The following FAM53B variants were observed in gnomAD, a reference collection of about 807,000 sequenced individuals.
The protein encoded by FAM53B is family with sequence similarity 53 member B.
Under a neutral mutation model 32.7 loss-of-function variants are expected in FAM53B, and 12 were observed. The observed-to-expected ratio is 0.37, with a 90% CI of 0.24 to 0.59. FAM53B has a LOEUF of 0.59. Ranked by LOEUF, FAM53B falls within the 20% of genes least tolerant of loss-of-function variation. The pLI is 0.72. For missense variants in FAM53B, 477 were observed against 577.7 expected (o/e 0.83, Z 1.79); for synonymous variants, 234 against 228.7 (o/e 1.02, Z -0.21).
At chr10:124,656,354 G>A (rs1306863013) in intron 4 of FAM53B, among the ~76,000 whole-genome samples, 3 of 152,254 alleles carry the variant, frequency 2.0e-5, no homozygotes, top group African/African-American at 7.2e-5. Flanking sequence ...CTGCTGTAGT[G>A]GGAGCGCAGG....
intron 1 of FAM53B, among the ~76,000 whole-genome samples, chr10:124,719,032 G>C (rs1173369945): frequency 3.9e-5 from 5 of 126,638 alleles, no homozygotes; most frequent in Non-Finnish European, 7.0e-5. Context: ...GAAAGATCCT[G>C]TCTCACAAAA....
intron 4 of FAM53B, among the ~76,000 whole-genome samples, chr10:124,634,966 A>G (rs1949419048): frequency 6.6e-6 from 1 of 152,266 alleles, no homozygotes; most frequent in Non-Finnish European, 1.5e-5. Context: ...GAATGTCAAA[A>G]GCAAAGTCAG....
chr10:124,675,885 A>T (rs1364561492), intron 4 of FAM53B, among the ~76,000 whole-genome samples: 1 of 152,226 alleles, frequency 6.6e-6, no homozygotes, highest in Admixed American at 6.5e-5. Context: ...AAGTGAGGGG[A>T]TTAGAACAGA....
intron 4 of FAM53B, among the ~76,000 whole-genome samples, chr10:124,665,304 C>A (rs1589743365): frequency 6.6e-6 from 1 of 152,252 alleles, no homozygotes; most frequent in East Asian, 1.9e-4. Context: ...TCGCTGCCCA[C>A]AGAATAAAGC....
At chr10:124,643,689 G>A (rs1183357651) in intron 4 of FAM53B, among the ~76,000 whole-genome samples, 1 of 152,230 alleles carries the variant, frequency 6.6e-6, no homozygotes, top group African/African-American at 2.4e-5. Context: ...TTCACGGCCC[G>A]GAGCTTTAGA....
intron 4 of FAM53B, among the ~76,000 whole-genome samples, chr10:124,624,354 CAG>C (rs1949331815): frequency 2.0e-5 from 3 of 152,332 alleles, no homozygotes; most frequent in South Asian, 2.1e-4. Flanking sequence ...CCTGGAGACA[CAG>C]AGTCTCTAGA....
In FAM53B at chr10:124,681,607, C is replaced by T. The variant is rs1265361141; in HGVS notation, c.906G>A (p.Gln302=). The T allele has an allele frequency of 1.3e-6, 2 of 1,588,492 alleles. No individual in the cohort carries two copies. The highest frequency in any genetic ancestry group is 1.7e-6 in the Non-Finnish European group (2 of 1,164,016). Residue 302 remains glutamine (Q), a splice_region_variant and synonymous_variant, in exon 4 of 5, where the codon CAG becomes CAA. Coordinates refer to ENST00000337318, the MANE Select transcript of FAM53B (RefSeq NM_014661.4). The part of the protein sequence containing the change: ...RPSLDLAKMA[Q]NCQTFSSLSC... ...GACTCCAGGCTGCTGGGGCTCTTAC[C>T]TGTGCCATCTTGGCAAGGTCTAGAG...
intron 4 of FAM53B, among the ~76,000 whole-genome samples, chr10:124,676,109 T>C (rs896500792): frequency 1.3e-5 from 2 of 152,238 alleles, no homozygotes; most frequent in Non-Finnish European, 2.9e-5. Context: ...TTACAGGCTC[T>C]CTTCCTTTGT....
chr10:124,734,055 C>G (rs1484297372), intron 1 of FAM53B, among the ~76,000 whole-genome samples: 1 of 152,236 alleles, frequency 6.6e-6, no homozygotes, highest in Non-Finnish European at 1.5e-5. Flanking sequence ...CTGTCACCCC[C>G]TCCAGGAAGC....
intron 2 of FAM53B, among the ~76,000 whole-genome samples, chr10:124,696,689 G>A (rs926033169): frequency 9.2e-5 from 14 of 152,078 alleles, no homozygotes; most frequent in Admixed American, 2.6e-4. Context: ...CAGCTCTCCC[G>A]CTCTGGTGAG....
intron 4 of FAM53B, among the ~76,000 whole-genome samples, chr10:124,625,349 C>T (rs774491756): frequency 9.9e-5 from 15 of 152,132 alleles, no homozygotes; most frequent in Non-Finnish European, 1.3e-4. Flanking sequence ...GAGCTCTGCA[C>T]GGGAACTCAG....
At chr10:124,671,801 C>T (rs948912749) in intron 4 of FAM53B, among the ~76,000 whole-genome samples, 1 of 152,066 alleles carries the variant, frequency 6.6e-6, no homozygotes, top group African/African-American at 2.4e-5. Context: ...TCCTCCCCCT[C>T]CCAAAAAGGA....
At chr10:124,640,383 A>AT (rs531253479) in intron 4 of FAM53B, among the ~76,000 whole-genome samples, 34 of 152,346 alleles carry the variant, frequency 2.2e-4, no homozygotes, top group Admixed American at 7.8e-4. Flanking sequence ...AGTGGCTGGG[A>AT]TAACAAGGGG....
intron 2 of FAM53B, among the ~76,000 whole-genome samples, chr10:124,705,871 T>C (rs1281042894): frequency 6.6e-6 from 1 of 152,056 alleles, no homozygotes; most frequent in African/African-American, 2.4e-5. Context: ...CCAGGAGGGG[T>C]CCTGGGCAAG....
chr10:124,624,872 G>T (rs925075920), intron 4 of FAM53B, among the ~76,000 whole-genome samples: 5 of 152,220 alleles, frequency 3.3e-5, no homozygotes, highest in Non-Finnish European at 7.3e-5. Flanking sequence ...CGCAGTCCTG[G>T]ATATCCCCAA....
chr10:124,623,593 G>C lies in FAM53B; in HGVS notation c.918C>G (p.Thr306=). 6.2e-7 allele frequency: 1 copy of C among 1,609,654 alleles called. No homozygotes were observed. The highest frequency in any genetic ancestry group is 8.5e-7 in the Non-Finnish European group (1 of 1,179,474). ...DLAKMAQNCQ[T]FSSLSCLSAG... ...CGCTCAGGCAGCTGAGGCTGCTGAA[G>C]GTCTGACAGTTCTGTGGAGGGGCAG... The change falls in exon 5 of 5, where the codon ACC becomes ACG. Residue 306 remains threonine (T), a synonymous_variant. Transcript: ENST00000337318.
chr10:124,681,544 G>A lies in FAM53B; in HGVS notation c.906+63C>T, dbSNP rs991230278. ...CTGGCAATCTATGCTTGTCTAGGAC[G>A]GCCCAGAACCAGCAGAGGCTCCAGT... is the stretch of plus-strand genomic sequence containing the variant. On this transcript the variant is annotated intron_variant, in intron 4 of 4. Coordinates refer to ENST00000337318, the MANE Select transcript of FAM53B (RefSeq NM_014661.4). 1.8e-5 allele frequency: 26 copies of A among 1,411,928 alleles called. No homozygotes were observed. In the Admixed American group the frequency reaches 2.6e-4, roughly 14 times the overall value. The allele number at this position is 1,411,928 out of a possible 1,614,324, so 87.5% of individuals were successfully genotyped here. A position where few individuals can be genotyped will look rare whatever the true frequency, so the allele number is the denominator to read the frequency against.
chr10:124,671,956 G>A (rs1048936613), intron 4 of FAM53B, among the ~76,000 whole-genome samples: 1 of 152,206 alleles, frequency 6.6e-6, no homozygotes, highest in Non-Finnish European at 1.5e-5. Flanking sequence ...TTTGTTCTTC[G>A]TGTGGCATTT....
chr10:124,739,366 C>T lies in FAM53B; in HGVS notation c.-175+4647G>A, dbSNP rs193051291. 1.4e-4 allele frequency among the ~76,000 whole-genome samples: 22 copies of T among 152,346 alleles called. No homozygotes were observed. In the East Asian group the frequency reaches 3.1e-3, roughly 21 times the overall value. On this transcript the variant is annotated intron_variant, in intron 1 of 4. Transcript: ENST00000337318. ...GAGAATTAGAGAGTGTATACAAAGC[C>T]CAGGGCCCAGGGTGGGCCTTCAACA...
Sources: gnomAD v4.1 joint callset for allele counts (sites outside exome capture counted in the v4.1 genomes callset) on GRCh38, gnomAD v4.1.1 for gene constraint, MANE v1.5 for transcripts, NCBI Gene and HGNC (gene_info 2026-07-23, HGNC 2026-07-21) for gene names.